Variants in GPR157 observed in about 807,000 individuals in gnomAD.
The protein encoded by GPR157 is G-protein coupled receptor 157.
In GPR157, 16 loss-of-function variants were observed where a neutral mutation model predicts 23.5. The observed-to-expected ratio is 0.68, with a 90% CI of 0.46 to 1.04. GPR157 has a LOEUF of 1.04. Among genes scored for constraint, GPR157 ranks in the 50% least tolerant of loss-of-function variants. GPR157 has a pLI of 0.00. For synonymous variants in GPR157, 200 were observed against 221.5 expected (o/e 0.90, Z 0.86); for missense variants, 440 against 460.7 (o/e 0.96, Z 0.41).
Position 9,103,400 on chromosome 1 carries a change from G to C in GPR157, c.*1019C>G, listed in dbSNP as rs910424084. 1 of 152,240 alleles carries C rather than the reference G, an allele frequency of 6.6e-6. No individual in the cohort carries two copies. Among genetic ancestry groups the C allele is most frequent in the African/African-American group, 2.4e-5 (1 of 41,454 alleles). The allele number at this position is 152,240 out of a possible 1,614,324, so 9.4% of individuals were successfully genotyped here. ...GCTGGTCTTGAACTCCTGACCTCAG[G>C]TGATCTGCCTGCCTTGGCCTCCCAA... On this transcript the variant is annotated 3_prime_UTR_variant, in exon 4 of 4. Transcript: ENST00000377411.
chr1:9,111,318 C>A lies in GPR157; in HGVS notation c.555G>T (p.Leu185=). ...KLWEMLAYVL[L]PLLYLLVRKH... ...TCCGGACCAGGAGGTACAGCAGAGG[C>A]AGCAGCACATATGCCAGCATCTCCC... Residue 185 remains leucine, a synonymous_variant, in exon 2 of 4, where the codon CTG becomes CTT. Transcript: ENST00000377411. 1 of 1,614,240 alleles carries A rather than the reference C, an allele frequency of 6.2e-7. No individual in the cohort carries two copies. Among genetic ancestry groups the A allele is most frequent in the Non-Finnish European group, 8.5e-7 (1 of 1,180,038 alleles).
intron 1 of GPR157, among the ~76,000 whole-genome samples, chr1:9,119,652 A>G (rs912537573): frequency 3.9e-5 from 6 of 152,110 alleles, no homozygotes; most frequent in South Asian, 2.1e-4. Context: ...AGGGCCCCCA[A>G]TCTCAGAGGT....
chr1:9,105,342 GA>G lies in GPR157; in HGVS notation c.792+143del. On this transcript the variant is annotated intron_variant, in intron 3 of 3. Coordinates refer to ENST00000377411, the MANE Select transcript of GPR157 (RefSeq NM_024980.5). The surrounding 1 kb of genome is among the most constrained non-coding windows in gnomAD (Gnocchi z 4.8). The stretch of plus-strand genomic sequence containing the variant: ...TCAAGGTCCTGTCTCAGGCAGAGAG[GA>G]AGGCACAGCACAGTGGGGCCGAGCT... 1.4e-6 allele frequency: 1 copy of G among 692,762 alleles called. No homozygotes were observed. Among genetic ancestry groups the G allele is most frequent in the Non-Finnish European group, 2.4e-6 (1 of 422,060 alleles). The allele number at this position is 692,762 out of a possible 1,614,324, so 42.9% of individuals were successfully genotyped here.
rs910891448 is a variant in GPR157, at chr1:9,101,129, C to T, written c.*3290G>A. The T allele has an allele frequency of 1.3e-5, 2 of 152,048 alleles. No individual in the cohort carries two copies. The highest frequency in any genetic ancestry group is 6.5e-5 in the Admixed American group (1 of 15,280). 9.4% of individuals were successfully genotyped at this position (152,048 alleles called of 1,614,324 possible). A position where few individuals can be genotyped will look rare whatever the true frequency, so the allele number is the denominator to read the frequency against. On this transcript the variant is annotated 3_prime_UTR_variant, in exon 4 of 4. Transcript: ENST00000377411. ...GTGGTGCAGTCTCGGCTCACTGCAACCTCTGCCTTCTGGGTTCAAGCAATT... is the reference window on the plus strand; with the variant it reads ...GTGGTGCAGTCTCGGCTCACTGCAATCTCTGCCTTCTGGGTTCAAGCAATT...
chr1:9,124,161 A>T (rs1284249952), intron 1 of GPR157, among the ~76,000 whole-genome samples: 2 of 152,232 alleles, frequency 1.3e-5, no homozygotes, highest in East Asian at 3.9e-4. Context: ...ATTGTATCTC[A>T]GTTTTTAAAA....
At chr1:9,114,749 AG>A (rs1638598647) in intron 1 of GPR157, among the ~76,000 whole-genome samples, 1 of 152,048 alleles carries the variant, frequency 6.6e-6, no homozygotes, top group East Asian at 1.9e-4. Context: ...GGGTTTTGAA[AG>A]GGTTAAGAAT....
At position 9,128,961 on chromosome 1, in the gene GPR157, C is replaced by A; in HGVS notation, c.67G>T (p.Ala23Ser). Residue 23 changes from alanine (A) to serine (S), a missense_variant, in exon 1 of 4, where the codon GCA (alanine) becomes TCA (serine). Ala to Ser is a moderately conservative substitution (Grantham distance 99). Coordinates refer to ENST00000377411, the MANE Select transcript of GPR157 (RefSeq NM_024980.5). This position sits in a 1 kb window ranked among gnomAD's most constrained non-coding sequence, Gnocchi z 6.3. ...SERAVVLLSC[A>S]LSALGSGLLV... ...AGGCCCGAGCCGAGCGCGGAGAGTG[C>A]GCACGACAGCAGCACCACGGCGCGC... 1.4e-6 allele frequency: 2 copies of A among 1,473,948 alleles called. No individual in the cohort carries two copies. Among genetic ancestry groups the A allele is most frequent in the East Asian group, 2.5e-5 (1 of 39,352 alleles). 91.3% of individuals were successfully genotyped at this position (1,473,948 alleles called of 1,614,324 possible). A position where few individuals can be genotyped will look rare whatever the true frequency, so the allele number is the denominator to read the frequency against.
At chr1:9,109,684 G>A (rs1001178414) in intron 2 of GPR157, among the ~76,000 whole-genome samples, 2 of 152,142 alleles carry the variant, frequency 1.3e-5, no homozygotes, top group African/African-American at 2.4e-5. Context: ...ATGAGCTACT[G>A]CACCCAGTCC....
chr1:9,118,647 T>A lies in GPR157; in HGVS notation c.384-7158A>T, dbSNP rs1638735889. On this transcript the variant is annotated intron_variant, in intron 1 of 3. Transcript: ENST00000377411. The surrounding 1 kb of genome is among the most constrained non-coding windows in gnomAD (Gnocchi z 4.6). Reference sequence around the variant, plus strand: ...AGTCCTAATCCCCAGAACCTCAGAATGTGAGTGTATTTGAGAGATAGGGTC... The same window carrying A: ...AGTCCTAATCCCCAGAACCTCAGAAAGTGAGTGTATTTGAGAGATAGGGTC... 6.6e-6 allele frequency among the ~76,000 whole-genome samples: 1 copy of A among 152,184 alleles called. No homozygotes were observed. Among genetic ancestry groups the A allele is most frequent in the South Asian group, 2.1e-4 (1 of 4,834 alleles).
chr1:9,114,782 G>A (rs767353711), intron 1 of GPR157, among the ~76,000 whole-genome samples: 14 of 152,118 alleles, frequency 9.2e-5, no homozygotes, highest in East Asian at 5.8e-4. Flanking sequence ...TTAGCCAGGC[G>A]TGGCAGTACA....
rs1041594063 is a variant in GPR157 at position 9,105,056 on chromosome 1, C to T, written c.793-422G>A. Among the ~76,000 whole-genome samples, 15 of 147,552 alleles carry T rather than the reference C, an allele frequency of 1.0e-4. No homozygotes were observed. Among genetic ancestry groups the T allele is most frequent in the African/African-American group, 3.8e-4 (15 of 39,946 alleles). On this transcript the variant is annotated intron_variant, in intron 3 of 3. Transcript: ENST00000377411. The surrounding 1 kb of genome is among the most constrained non-coding windows in gnomAD (Gnocchi z 4.8). ...AGAAACACACACACACACACACACA[C>T]ACACACACACACATGCATACACACA...
At chr1:9,113,058 T>C (rs969671877) in intron 1 of GPR157, among the ~76,000 whole-genome samples, 7 of 152,264 alleles carry the variant, frequency 4.6e-5, no homozygotes, top group East Asian at 1.9e-4. Flanking sequence ...CAGGGTGTCA[T>C]TGTCGGGTCG....
In GPR157 at chr1:9,100,470, T is replaced by G. The variant is rs953895196; in HGVS notation, c.*3949A>C. On this transcript the variant is annotated 3_prime_UTR_variant, in exon 4 of 4. Coordinates refer to ENST00000377411, the MANE Select transcript of GPR157 (RefSeq NM_024980.5). ...CTTGTCGTGGACACGTGAAGAGTTC[T>G]GTTTGCACCCTCAGCCTGGGCCAAA... 1.3e-5 allele frequency: 2 copies of G among 152,250 alleles called. No individual in the cohort carries two copies. The highest frequency in any genetic ancestry group is 4.8e-5 in the African/African-American group (2 of 41,468). 9.4% of individuals were successfully genotyped at this position (152,250 alleles called of 1,614,324 possible).
chr1:9,101,904 T>C lies in GPR157; in HGVS notation c.*2515A>G, dbSNP rs941222546. ...TTTACCTGTTAATCATGTTCTCTTT[T>C]GCAGCAAGCAAATTCCTGAATTTTC... On this transcript the variant is annotated 3_prime_UTR_variant, in exon 4 of 4. Coordinates refer to ENST00000377411, the MANE Select transcript of GPR157 (RefSeq NM_024980.5). 1 of 152,236 alleles carries C rather than the reference T, an allele frequency of 6.6e-6. No individual in the cohort carries two copies. Among genetic ancestry groups the C allele is most frequent in the African/African-American group, 2.4e-5 (1 of 41,454 alleles). The allele number at this position is 152,236 out of a possible 1,614,324, so 9.4% of individuals were successfully genotyped here.
intron 2 of GPR157, 149 bp downstream of exon 2, chr1:9,111,127 A>G (rs1293642362): frequency 1.4e-6 from 1 of 715,868 alleles, no homozygotes; most frequent in Non-Finnish European, 2.5e-6. Flanking sequence ...TGTCTGGTGC[A>G]CAGTAAGTGC....
intron 1 of GPR157, among the ~76,000 whole-genome samples, chr1:9,116,292 A>ATTATATATAATAT (rs74196114): frequency 0.078 from 525 of 6,734 alleles, 13 homozygotes; most frequent in East Asian, 0.11. Flanking sequence ...AATTATATAT[A>ATTATATATAATAT]AATTATATAT....
rs1031484498 is a variant in GPR157 at position 9,105,357 on chromosome 1, T to C, written c.792+129A>G. On this transcript the variant is annotated intron_variant, in intron 3 of 3. Coordinates refer to ENST00000377411, the MANE Select transcript of GPR157 (RefSeq NM_024980.5). This position sits in a 1 kb window ranked among gnomAD's most constrained non-coding sequence, Gnocchi z 4.8. The stretch of plus-strand genomic sequence containing the variant: ...AGGCAGAGAGGAAGGCACAGCACAG[T>C]GGGGCCGAGCTCCTCCCTGCAGCTG... 14 of 776,398 alleles carry C rather than the reference T, an allele frequency of 1.8e-5. No individual in the cohort carries two copies. The highest frequency in any genetic ancestry group is 1.2e-4 in the African/African-American group (7 of 56,894). 48.1% of individuals were successfully genotyped at this position (776,398 alleles called of 1,614,324 possible).
intron 1 of GPR157, among the ~76,000 whole-genome samples, chr1:9,127,562 G>A (rs1175952635): frequency 1.3e-5 from 2 of 152,160 alleles, no homozygotes. Flanking sequence ...TGGATGATGT[G>A]TTGCAAAGAT....
intron 1 of GPR157, among the ~76,000 whole-genome samples, chr1:9,117,845 GT>G (rs1407609454): frequency 4.6e-5 from 7 of 152,244 alleles, no homozygotes; most frequent in Non-Finnish European, 7.4e-5. Context: ...ACACCTAACA[GT>G]TTTTCCCCCC....
Sources: allele counts gnomAD v4.1 joint callset (sites outside exome capture counted in the v4.1 genomes callset), GRCh38; gene constraint gnomAD v4.1.1; non-coding constraint Gnocchi (gnomAD v3.1); transcripts MANE v1.5; gene names NCBI Gene and HGNC (gene_info 2026-07-23, HGNC 2026-07-21).